FAM184A: variants seen among roughly 807,000 people sequenced by gnomAD.
FAM184A encodes the protein protein FAM184A.
In FAM184A, 99 loss-of-function variants were observed where a neutral mutation model predicts 143.8. The ratio of observed to expected loss-of-function variants is 0.69; its 90% CI spans 0.58 to 0.81. The LOEUF (loss-of-function observed/expected upper bound fraction) is 0.81, where lower values mean the gene tolerates loss of function less well. Ranked by LOEUF, FAM184A falls within the 40% of genes least tolerant of loss-of-function variation. FAM184A has a pLI of 0.00. For missense variants in FAM184A, 1,217 were observed against 1,310.5 expected (o/e 0.93, Z 1.10); for synonymous variants, 427 against 446.4 (o/e 0.96, Z 0.55).
intron 1 of FAM184A, among the ~76,000 whole-genome samples, chr6:119,138,702 C>A (rs907200756): frequency 1.4e-4 from 22 of 152,108 alleles, no homozygotes; most frequent in Non-Finnish European, 2.8e-4. Flanking sequence ...TCTTGGCTCA[C>A]CGCAACCTCC....
intron 1 of FAM184A, among the ~76,000 whole-genome samples, chr6:119,056,345 T>C (rs932834117): frequency 6.6e-6 from 1 of 152,104 alleles, no homozygotes; most frequent in Non-Finnish European, 1.5e-5. Flanking sequence ...TAATTAGATT[T>C]TGGACACGTA....
At chr6:119,102,440 A>C (rs185988295) in intron 1 of FAM184A, among the ~76,000 whole-genome samples, 1 of 152,132 alleles carries the variant, frequency 6.6e-6, no homozygotes, top group African/African-American at 2.4e-5. Context: ...AATAAGCTTC[A>C]GTATGTATCA....
At chr6:119,064,541 AAC>A (rs1328775177) in intron 1 of FAM184A, among the ~76,000 whole-genome samples, 1 of 152,078 alleles carries the variant, frequency 6.6e-6, no homozygotes, top group Non-Finnish European at 1.5e-5. Flanking sequence ...TCTCCACACA[AAC>A]ACACACACAA....
rs1364333326 is a variant in FAM184A, at chr6:118,975,905, ACTC to A, written c.2583+9_2583+11del. 9.3e-6 allele frequency: 15 copies of A among 1,609,686 alleles called. No individual in the cohort carries two copies. The highest frequency in any genetic ancestry group is 1.0e-5 in the Non-Finnish European group (12 of 1,178,906). The stretch of plus-strand genomic sequence containing the variant: ...TTAAGAAATCATCAGAGTACAGAAT[ACTC>A]TTACTTACCTGTCTTCTGCTGATGT... On this transcript the variant is annotated intron_variant, in intron 12 of 17. Coordinates refer to ENST00000338891, the MANE Select transcript of FAM184A (RefSeq NM_024581.6).
chr6:119,061,170 A>C (rs1787221397), intron 1 of FAM184A, among the ~76,000 whole-genome samples: 1 of 152,202 alleles, frequency 6.6e-6, no homozygotes, highest in Non-Finnish European at 1.5e-5. Context: ...AGGTATAGGT[A>C]AAAGAGCTAG....
intron 1 of FAM184A, among the ~76,000 whole-genome samples, chr6:119,123,210 G>A (rs555009943): frequency 1.3e-5 from 2 of 151,980 alleles, no homozygotes; most frequent in African/African-American, 2.4e-5. Context: ...CCAACATGGT[G>A]AAACCCCATC....
chr6:119,118,028 A>T lies in FAM184A; in HGVS notation c.-202+31050T>A, dbSNP rs187960787. On this transcript the variant is annotated intron_variant, in intron 1 of 16. Coordinates refer to the FAM184A transcript ENST00000352896. The stretch of plus-strand genomic sequence containing the variant: ...GATGAAGTGACACCAAAGATCACTC[A>T]GATTTTAAGGCAGAAACTTTGCTTT... 9.8e-5 allele frequency among the ~76,000 whole-genome samples: 15 copies of T among 152,348 alleles called. No homozygotes were observed. In the East Asian group the frequency reaches 2.9e-3, roughly 29 times the overall value.
chr6:119,106,264 C>T (rs9401125), intron 1 of FAM184A, among the ~76,000 whole-genome samples: 56,506 of 151,574 alleles, frequency 0.37, 12,388 homozygotes, highest in East Asian at 0.54. Context: ...TGGTGGTGCG[C>T]GCCTGTAGCC....
At chr6:119,117,714 A>G (rs1789096902) in intron 1 of FAM184A, among the ~76,000 whole-genome samples, 1 of 152,208 alleles carries the variant, frequency 6.6e-6, no homozygotes, top group African/African-American at 2.4e-5. Flanking sequence ...AACAGACTCA[A>G]AGAGGTTGCT....
At chr6:119,071,171 C>T (rs1787672533) in intron 1 of FAM184A, among the ~76,000 whole-genome samples, 1 of 152,154 alleles carries the variant, frequency 6.6e-6, no homozygotes, top group African/African-American at 2.4e-5. Context: ...CTTTATCTTT[C>T]ATAACACTTT....
intron 11 of FAM184A, among the ~76,000 whole-genome samples, chr6:118,978,120 C>T (rs1176374904): frequency 6.6e-6 from 1 of 152,146 alleles, no homozygotes; most frequent in Admixed American, 6.5e-5. Flanking sequence ...TGCGCCACCA[C>T]GCCTGGCTAA....
At chr6:119,069,421 T>C (rs1787598735) in intron 1 of FAM184A, among the ~76,000 whole-genome samples, 1 of 152,210 alleles carries the variant, frequency 6.6e-6, no homozygotes, top group Non-Finnish European at 1.5e-5. Flanking sequence ...TCTTTAAAAC[T>C]GTGCTTAAGG....
upstream of FAM184A, among the ~76,000 whole-genome samples, chr6:119,081,948 A>G (rs767027341): frequency 1.3e-5 from 2 of 152,076 alleles, no homozygotes; most frequent in Non-Finnish European, 2.9e-5. Flanking sequence ...TCCTCCACTG[A>G]TGTGCTCCTC....
chr6:119,099,125 A>G (rs931619066), intron 1 of FAM184A, among the ~76,000 whole-genome samples: 3 of 152,148 alleles, frequency 2.0e-5, no homozygotes, highest in Non-Finnish European at 4.4e-5. Context: ...AAACAAAACA[A>G]AATAAAACAA....
chr6:119,113,387 C>T (rs762137904), intron 1 of FAM184A, among the ~76,000 whole-genome samples: 1 of 152,014 alleles, frequency 6.6e-6, no homozygotes, highest in Non-Finnish European at 1.5e-5. Context: ...TTCTTAAGTC[C>T]CCATTATGAC....
chr6:118,963,584 A>G (rs993481065), intron 16 of FAM184A: 2 of 152,086 alleles, frequency 1.3e-5, no homozygotes, highest in Non-Finnish European at 2.9e-5. Flanking sequence ...AGTGTTCTTA[A>G]TAGAGAAGTT....
At chr6:119,021,030 A>C (rs189178739) in intron 3 of FAM184A, among the ~76,000 whole-genome samples, 1 of 152,304 alleles carries the variant, frequency 6.6e-6, no homozygotes, top group African/African-American at 2.4e-5. Context: ...AGTTTAAGGC[A>C]GAGGTTCTCA....
intron 1 of FAM184A, among the ~76,000 whole-genome samples, chr6:119,133,670 G>A (rs563216364): frequency 4.3e-4 from 66 of 152,184 alleles, no homozygotes; most frequent in African/African-American, 1.5e-3. Context: ...AAGGCTGACC[G>A]TTGAGGGCTG....
intron 11 of FAM184A, among the ~76,000 whole-genome samples, chr6:118,978,001 T>G (rs541640292): frequency 5.9e-5 from 9 of 152,340 alleles, no homozygotes; most frequent in Non-Finnish European, 1.2e-4. Flanking sequence ...TTTGCTCTTG[T>G]TGCCCAGGCT....
Sources: allele counts gnomAD v4.1 joint callset (sites outside exome capture counted in the v4.1 genomes callset), GRCh38; gene constraint gnomAD v4.1.1; transcripts MANE v1.5; gene names NCBI Gene and HGNC (gene_info 2026-07-23, HGNC 2026-07-21).